The following ELP1 variants were observed in gnomAD, a reference collection of about 807,000 sequenced individuals.
ELP1 encodes elongator complex protein 1.
A neutral mutation model predicts 183.2 loss-of-function variants in ELP1; 131 were observed. The ratio of observed to expected loss-of-function variants is 0.72; its 90% CI spans 0.62 to 0.83. The LOEUF (loss-of-function observed/expected upper bound fraction) is 0.83. Among genes scored for constraint, ELP1 ranks in the 40% least tolerant of loss-of-function variants. The pLI, the probability that ELP1 is intolerant of heterozygous loss-of-function variation, is 0.00. For synonymous variants in ELP1, 555 were observed against 569.0 expected (o/e 0.98, Z 0.35); for missense variants, 1,550 against 1,594.9 (o/e 0.97, Z 0.48).
Position 108,901,486 on chromosome 9 carries a change from TA to T in ELP1, c.1952del (p.Leu651TyrfsTer3). 5 of 1,614,076 alleles carry T rather than the reference TA, an allele frequency of 3.1e-6. No individual in the cohort carries two copies. Among genetic ancestry groups the T allele is most frequent in the Non-Finnish European group, 4.2e-6 (5 of 1,179,968 alleles). On this transcript the variant is annotated frameshift_variant, in exon 18 of 37. Transcript: ENST00000374647. LOFTEE classifies it high-confidence loss of function. ...AGGTATGGGAATGGGTTGTCAACAA[TA>T]AAAACTCATCATATACTGCAAATGA... is the stretch of plus-strand genomic sequence containing the variant. ...ITSFAVYDEF[L>X]LLTTHSHTCQ...
chr9:108,893,170 T>C lies in ELP1; in HGVS notation c.2861-87A>G, dbSNP rs56323604. 1.5e-4 allele frequency: 139 copies of C among 911,482 alleles called. No individual in the cohort carries two copies. The African/African-American group carries it at 1.7e-3, about 11-fold the overall frequency. The allele number at this position is 911,482 out of a possible 1,614,324, so 56.5% of individuals were successfully genotyped here. On this transcript the variant is annotated intron_variant, in intron 26 of 36. Transcript: ENST00000374647. The stretch of plus-strand genomic sequence containing the variant: ...TTATACCAATGGTCACCAAACAAAA[T>C]AAATGAGGAACTTTTTAAGACCTAA...
In ELP1 at chr9:108,912,708, CTTG is replaced by C. The variant is rs977434382; in HGVS notation, c.959-217_959-215del. Among the ~76,000 whole-genome samples, 41 of 148,318 alleles carry C rather than the reference CTTG, an allele frequency of 2.8e-4. No homozygotes were observed. In the South Asian group the frequency reaches 4.5e-3, roughly 16 times the overall value. On this transcript the variant is annotated intron_variant, in intron 10 of 36. Coordinates refer to ENST00000374647, the MANE Select transcript of ELP1 (RefSeq NM_003640.5). ...AAGGTCAGAAATATATGTTTATTTT[CTTG>C]TTTTTTTTCTATTTTTAACTTTTAT...
intron 10 of ELP1, among the ~76,000 whole-genome samples, chr9:108,913,845 T>C (rs10979610): frequency 0.085 from 12,906 of 152,218 alleles, 626 homozygotes; most frequent in East Asian, 0.16. Flanking sequence ...CAGGGTTTCA[T>C]CCTGTGCAAT....
intron 14 of ELP1, among the ~76,000 whole-genome samples, chr9:108,905,385 A>G (rs1479568523): frequency 6.6e-6 from 1 of 152,178 alleles, no homozygotes; most frequent in East Asian, 1.9e-4. Context: ...GCTATCAACT[A>G]TACAACAGGG....
chr9:108,885,043 T>G (rs1828073190), intron 29 of ELP1, among the ~76,000 whole-genome samples: 2 of 151,470 alleles, frequency 1.3e-5, no homozygotes. Flanking sequence ...ATCGTGCCAC[T>G]GCACTCCAGC....
At position 108,894,007 on chromosome 9, in the gene ELP1, C is replaced by A; in HGVS notation, c.2796G>T (p.Gln932His). ...NTLKKMETNY[Q>H]RFTIDKYLKR... ...TCAAGTATTTGTCTATAGTAAACCG[C>A]TGATAATTAGTTTCCATTTTCTTAA... Residue 932 changes from glutamine (Q) to histidine (H), a missense_variant, in exon 26 of 37, where the codon CAG becomes CAT. Physicochemically the swap from Gln to His is conservative, Grantham distance 24 (BLOSUM62 0). Coordinates refer to ENST00000374647, the MANE Select transcript of ELP1 (RefSeq NM_003640.5). The A allele has an allele frequency of 6.2e-7, 1 of 1,601,382 alleles. No homozygotes were observed. The highest frequency in any genetic ancestry group is 8.6e-7 in the Non-Finnish European group (1 of 1,168,658).
At chr9:108,879,634 C>A (rs202084195) in intron 32 of ELP1, 77 bp from the exon 33 acceptor site, 1 of 650,486 alleles carries the variant, frequency 1.5e-6, no homozygotes, top group African/African-American at 3.5e-5. Flanking sequence ...GGTAAATGAA[C>A]TAACTAGAGT....
chr9:108,880,869 G>C (rs186263662), intron 31 of ELP1, among the ~76,000 whole-genome samples: 3 of 152,314 alleles, frequency 2.0e-5, no homozygotes, highest in Admixed American at 6.5e-5. Flanking sequence ...GTTTTAATTA[G>C]GATGGAGGAA....
intron 6 of ELP1, among the ~76,000 whole-genome samples, chr9:108,921,520 C>A (rs1178054208): frequency 6.6e-6 from 1 of 151,316 alleles, no homozygotes; most frequent in African/African-American, 2.4e-5. Context: ...AAAGAATATT[C>A]AAATTGCACC....
At chr9:108,915,876 T>G (rs566809562) in intron 10 of ELP1, among the ~76,000 whole-genome samples, 7 of 152,162 alleles carry the variant, frequency 4.6e-5, no homozygotes, top group Middle Eastern at 3.4e-3. Context: ...AAGGCTGACT[T>G]TTCATATCTG....
At chr9:108,872,982 C>G (rs1248698137) in intron 36 of ELP1, among the ~76,000 whole-genome samples, 1 of 152,082 alleles carries the variant, frequency 6.6e-6, no homozygotes, top group Non-Finnish European at 1.5e-5. Flanking sequence ...AATTATATGA[C>G]AGCAGGACAT....
intron 5 of ELP1, among the ~76,000 whole-genome samples, chr9:108,924,904 C>G (rs111732210): frequency 1.4e-4 from 21 of 152,164 alleles, no homozygotes; most frequent in African/African-American, 3.9e-4. Context: ...ACCTTACATA[C>G]GCAAAGCCTA....
At chr9:108,913,662 T>G (rs569669631) in intron 10 of ELP1, among the ~76,000 whole-genome samples, 1 of 152,160 alleles carries the variant, frequency 6.6e-6, no homozygotes, top group South Asian at 2.1e-4. Context: ...ATATACATGT[T>G]TTTGAGATGG....
In ELP1 at chr9:108,906,317, T is replaced by C. The variant is rs954539305; in HGVS notation, c.1629A>G (p.Gly543=). The change falls in exon 14 of 37, where the codon GGA becomes GGG. Residue 543 remains glycine (G), a synonymous_variant. Transcript: ENST00000374647. ...AASSEMDEEH[G]QLNVSSSAAV... ...AACTGCAATACCTGACATTGAGCTG[T>C]CCATGCTCTTCATCCATCTCAGAAG... The C allele has an allele frequency of 6.2e-7, 1 of 1,613,984 alleles. No individual in the cohort carries two copies. The highest frequency in any genetic ancestry group is 8.5e-7 in the Non-Finnish European group (1 of 1,179,860).
chr9:108,886,755 TCTG>T (rs1828137576), intron 29 of ELP1, among the ~76,000 whole-genome samples: 1 of 152,168 alleles, frequency 6.6e-6, no homozygotes, highest in South Asian at 2.1e-4. Flanking sequence ...CAACTCTAAC[TCTG>T]CTGCTGTAGT....
At chr9:108,917,781 T>G in intron 8 of ELP1, 111 bp from the exon 9 acceptor site, 2 of 1,148,968 alleles carry the variant, frequency 1.7e-6, no homozygotes, top group Non-Finnish European at 2.6e-6. Context: ...ATGAACGAAT[T>G]AATGAATATC....
intron 34 of ELP1, 82 bp from the exon 35 acceptor site, chr9:108,878,231 CA>C: frequency 8.0e-7 from 1 of 1,243,278 alleles, no homozygotes; most frequent in Non-Finnish European, 1.2e-6. Context: ...TATCCAAAGC[CA>C]AAAATTTCTA....
intron 6 of ELP1, among the ~76,000 whole-genome samples, chr9:108,922,295 T>C (rs901922138): frequency 1.3e-5 from 2 of 152,216 alleles, no homozygotes; most frequent in Non-Finnish European, 2.9e-5. Flanking sequence ...TGCACTCTTC[T>C]TGTGTCCACA....
rs932767412 is a variant in ELP1 at position 108,906,224 on chromosome 9, C to T, written c.1643+79G>A. On this transcript the variant is annotated intron_variant, in intron 14 of 36. Transcript: ENST00000374647. ...CTCCTCAACCTTGATCAATAGAAGTCAAAAGTTGTATGCTCATAAAAGACA... is the reference window on the plus strand; with the variant it reads ...CTCCTCAACCTTGATCAATAGAAGTTAAAAGTTGTATGCTCATAAAAGACA... The T allele has an allele frequency of 4.2e-6, 6 of 1,420,408 alleles. No individual in the cohort carries two copies. In the African/African-American group the frequency reaches 7.0e-5, roughly 17 times the overall value. The allele number at this position is 1,420,408 out of a possible 1,614,324, so 88.0% of individuals were successfully genotyped here.
Sources: gnomAD v4.1 joint callset for allele counts (sites outside exome capture counted in the v4.1 genomes callset) on GRCh38, gnomAD v4.1.1 for gene constraint, MANE v1.5 for transcripts, NCBI Gene and HGNC (gene_info 2026-07-23, HGNC 2026-07-21) for gene names.